The following PRKG1 variants were observed in gnomAD, a reference collection of about 807,000 sequenced individuals.
PRKG1 encodes the protein protein kinase cGMP-dependent 1, also known as cGMP-dependent protein kinase 1.
PRKG1 carries 35 observed loss-of-function variants against 88.1 expected under a neutral mutation model. That is an observed-to-expected ratio of 0.40 (90% confidence interval 0.30 to 0.53). The LOEUF is 0.53. Ranked by LOEUF, PRKG1 falls within the 20% of genes least tolerant of loss-of-function variation. The pLI is 0.59. For missense variants in PRKG1, 540 were observed against 839.8 expected, an observed-to-expected ratio of 0.64 and a Z score of 4.41; for synonymous variants, 303 against 292.5, an observed-to-expected ratio of 1.04 and a Z score of -0.37.
At chr10:50,993,701 G>A (rs771019870) in intron 1 of PRKG1, among the ~76,000 whole-genome samples, 1 of 152,236 alleles carries the variant, frequency 6.6e-6, no homozygotes, top group African/African-American at 2.4e-5. Context: ...CTTTGCAGCA[G>A]GGAGGAGATT....
intron 2 of PRKG1, among the ~76,000 whole-genome samples, chr10:51,428,137 A>G (rs1838645583): frequency 1.3e-5 from 2 of 152,178 alleles, no homozygotes; most frequent in Admixed American, 1.3e-4. Context: ...TAACTGCTAG[A>G]ACTTCTATCG....
intron 1 of PRKG1, among the ~76,000 whole-genome samples, chr10:51,054,675 A>C (rs1482908300): frequency 6.6e-6 from 1 of 152,100 alleles, no homozygotes; most frequent in African/African-American, 2.4e-5. Context: ...ATTTTAGTGA[A>C]CCTTTCGTTA....
intron 2 of PRKG1, among the ~76,000 whole-genome samples, chr10:51,192,319 C>A (rs764417197): frequency 2.0e-5 from 3 of 151,836 alleles, no homozygotes; most frequent in Non-Finnish European, 4.4e-5. Flanking sequence ...TGGAAGCTTT[C>A]TTAGCCTCTC....
At chr10:51,789,281 A>T (rs1248318765) in intron 3 of PRKG1, among the ~76,000 whole-genome samples, 1 of 152,204 alleles carries the variant, frequency 6.6e-6, no homozygotes, top group Non-Finnish European at 1.5e-5. Context: ...AAGTAGGCAC[A>T]CTGTTAAAAA....
chr10:51,141,387 T>C (rs1204293055), intron 1 of PRKG1, among the ~76,000 whole-genome samples: 1 of 152,192 alleles, frequency 6.6e-6, no homozygotes, highest in African/African-American at 2.4e-5. Flanking sequence ...AAAGGATACA[T>C]TTTTAGGGGT....
At chr10:51,567,628 C>T (rs1294639303) in intron 3 of PRKG1, among the ~76,000 whole-genome samples, 2 of 152,018 alleles carry the variant, frequency 1.3e-5, no homozygotes, top group Non-Finnish European at 2.9e-5. Flanking sequence ...CCTCTATCAC[C>T]CAGGCTGGAA....
chr10:52,253,555 C>A (rs577695606), intron 10 of PRKG1: 1 of 151,584 alleles, frequency 6.6e-6, no homozygotes, highest in Non-Finnish European at 1.5e-5. Context: ...TGTGTGCTCT[C>A]GTGTGTGTGC....
At chr10:51,368,475 T>C (rs1842634516) in intron 2 of PRKG1, among the ~76,000 whole-genome samples, 1 of 151,662 alleles carries the variant, frequency 6.6e-6, no homozygotes, top group Non-Finnish European at 1.5e-5. Flanking sequence ...CAGGTCATGG[T>C]CTATAGTCTT....
intron 2 of PRKG1, among the ~76,000 whole-genome samples, chr10:51,439,012 T>TA (rs143701501): frequency 0.27 from 40,402 of 149,970 alleles, 5,818 homozygotes; most frequent in Non-Finnish European, 0.34. Flanking sequence ...TTTTTTTTTT[T>TA]AAAAAAAAAG....
At chr10:51,850,796 T>C (rs1310783294) in intron 4 of PRKG1, among the ~76,000 whole-genome samples, 1 of 152,156 alleles carries the variant, frequency 6.6e-6, no homozygotes, top group Non-Finnish European at 1.5e-5. Flanking sequence ...ATTTCTCACC[T>C]TTTAGATTGG....
chr10:51,011,709 C>A (rs1352845750), intron 1 of PRKG1, among the ~76,000 whole-genome samples: 1 of 152,156 alleles, frequency 6.6e-6, no homozygotes, highest in African/African-American at 2.4e-5. Flanking sequence ...AATATAGAAT[C>A]ACTAATGGAA....
intron 6 of PRKG1, 97 bp from the exon 7 acceptor site, chr10:52,062,440 A>G (rs994746010): frequency 1.1e-5 from 8 of 714,414 alleles, no homozygotes; most frequent in Non-Finnish European, 1.7e-5. Context: ...TAAAAATAAG[A>G]AAAGAAACAA....
intron 1 of PRKG1, among the ~76,000 whole-genome samples, chr10:51,032,151 G>GGACAT (rs1843291773): frequency 1.3e-5 from 2 of 152,098 alleles, no homozygotes; most frequent in African/African-American, 4.8e-5. Flanking sequence ...AGTGTCCTTG[G>GGACAT]AACTCAGCAG....
intron 1 of PRKG1, among the ~76,000 whole-genome samples, chr10:51,083,921 T>C (rs547450108): frequency 6.6e-6 from 1 of 152,336 alleles, no homozygotes; most frequent in South Asian, 2.1e-4. Flanking sequence ...AATCATTACC[T>C]TCTCAGGTGA....
At chr10:51,871,188 C>T (rs66922902) in intron 4 of PRKG1, among the ~76,000 whole-genome samples, 27,320 of 152,112 alleles carry the variant, frequency 0.18, 3,013 homozygotes, top group East Asian at 0.45. Flanking sequence ...CCTGATATTG[C>T]ATTTCATGTA....
chr10:52,009,173 G>A (rs989024926), intron 5 of PRKG1, among the ~76,000 whole-genome samples: 6 of 152,140 alleles, frequency 3.9e-5, no homozygotes, highest in Non-Finnish European at 8.8e-5. Context: ...CCTGGCCAGA[G>A]CAATCAGGCA....
At chr10:51,692,114 T>C (rs1366282571) in intron 3 of PRKG1, among the ~76,000 whole-genome samples, 1 of 152,164 alleles carries the variant, frequency 6.6e-6, no homozygotes, top group Non-Finnish European at 1.5e-5. Flanking sequence ...TGTCTGGCAA[T>C]GTTTTTAGTC....
intron 2 of PRKG1, among the ~76,000 whole-genome samples, chr10:51,219,251 A>T (rs1178146272): frequency 6.6e-6 from 1 of 152,206 alleles, no homozygotes; most frequent in East Asian, 1.9e-4. Flanking sequence ...GTACATATAT[A>T]TAAATTGTTA....
At chr10:51,703,476 C>T (rs1345873090) in intron 3 of PRKG1, among the ~76,000 whole-genome samples, 1 of 152,052 alleles carries the variant, frequency 6.6e-6, no homozygotes, top group Non-Finnish European at 1.5e-5. Context: ...CTTGATATAC[C>T]TTGTACCTTT....
Sources: gnomAD v4.1 joint callset for allele counts (sites outside exome capture counted in the v4.1 genomes callset) on GRCh38, gnomAD v4.1.1 for gene constraint, MANE v1.5 for transcripts, NCBI Gene and HGNC (gene_info 2026-07-23, HGNC 2026-07-21) for gene names.